Variants in CAST observed in about 807,000 individuals in gnomAD.
CAST encodes MIR583 host.
In CAST, 76 loss-of-function variants were observed where a neutral mutation model predicts 119.6. The observed-to-expected ratio is 0.64, with a 90% confidence interval of 0.53 to 0.77. The LOEUF (loss-of-function observed/expected upper bound fraction) is 0.77. Among genes scored for constraint, CAST ranks in the 30% least tolerant of loss-of-function variants. The pLI is 0.00. For missense variants in CAST, 953 were observed against 946.5 expected (o/e 1.01, Z -0.09); for synonymous variants, 319 against 331.6 (o/e 0.96, Z 0.41).
At chr5:96,703,591 TACAC>T (rs1354208128) in intron 3 of CAST, among the ~76,000 whole-genome samples, 1 of 152,228 alleles carries the variant, frequency 6.6e-6, no homozygotes, top group Non-Finnish European at 1.5e-5. Flanking sequence ...ATTCTCCACT[TACAC>T]ACAGGCAGGG....
chr5:96,728,057 C>G (rs952596837), intron 6 of CAST, among the ~76,000 whole-genome samples: 4 of 152,162 alleles, frequency 2.6e-5, no homozygotes, highest in Non-Finnish European at 5.9e-5. Flanking sequence ...CCATGACTGT[C>G]CAGAATGAAT....
rs1392254752 is a variant in CAST at position 96,706,446 on chromosome 5, G to A, written c.210+10539G>A. Among the ~76,000 whole-genome samples the A allele has an allele frequency of 3.9e-5, 6 of 152,276 alleles. No homozygotes were observed. The East Asian group carries it at 5.8e-4, about 15-fold the overall frequency. On this transcript the variant is annotated intron_variant, in intron 3 of 31. Transcript: ENST00000675179. ...AGTGCTGTCACGATACTGTAAAAGCGGAGTGAAAGGTTAAAGGAAGAGGGT... is the reference window on the plus strand; with the variant it reads ...AGTGCTGTCACGATACTGTAAAAGCAGAGTGAAAGGTTAAAGGAAGAGGGT...
At chr5:96,264,108 G>T in the CAST span, among the ~76,000 whole-genome samples, 15 of 152,156 alleles carry the variant, frequency 9.9e-5, no homozygotes, top group African/African-American at 3.6e-4. Flanking sequence ...CTAAATACGT[G>T]TCAGATTATC....
chr5:96,027,868 G>T, the CAST span, among the ~76,000 whole-genome samples: 1 of 152,032 alleles, frequency 6.6e-6, no homozygotes, highest in South Asian at 2.1e-4. Context: ...GACAACAAAA[G>T]CAACTGCGAC....
intron 1 of CAST, among the ~76,000 whole-genome samples, chr5:96,591,626 A>C (rs1327579976): frequency 6.6e-6 from 1 of 152,168 alleles, no homozygotes; most frequent in Non-Finnish European, 1.5e-5. Flanking sequence ...GAAGAGAGCT[A>C]ATTTATAATC....
the CAST span, among the ~76,000 whole-genome samples, chr5:96,290,518 A>T: frequency 1.3e-5 from 2 of 152,202 alleles, no homozygotes; most frequent in Admixed American, 6.5e-5. Flanking sequence ...ATTGCTGATG[A>T]GGTGTCATAT....
the CAST span, among the ~76,000 whole-genome samples, chr5:96,360,725 C>G: frequency 3.9e-5 from 6 of 151,952 alleles, no homozygotes; most frequent in African/African-American, 1.5e-4. Context: ...GAGGGGCAAC[C>G]GCAAGATGCC....
At chr5:96,341,741 T>C in the CAST span, among the ~76,000 whole-genome samples, 1 of 152,148 alleles carries the variant, frequency 6.6e-6, no homozygotes, top group Non-Finnish European at 1.5e-5. Flanking sequence ...AACAATAAAA[T>C]ATTATTGAAT....
chr5:96,639,902 T>C (rs1330545790), intron 1 of CAST, among the ~76,000 whole-genome samples: 1 of 152,162 alleles, frequency 6.6e-6, no homozygotes, highest in Non-Finnish European at 1.5e-5. Flanking sequence ...AGCCTGGACC[T>C]TCTAATTGAC....
chr5:96,623,532 A>T (rs1047618978), intron 1 of CAST, among the ~76,000 whole-genome samples: 2 of 152,164 alleles, frequency 1.3e-5, no homozygotes, highest in African/African-American at 4.8e-5. Context: ...TCTTACAAAT[A>T]TTAAGTGCCA....
At chr5:96,431,015 G>T in the CAST span, among the ~76,000 whole-genome samples, 6 of 152,272 alleles carry the variant, frequency 3.9e-5, no homozygotes, top group East Asian at 9.6e-4. Context: ...TTTAGTTTTT[G>T]CTGTCTTCCC....
At chr5:96,648,238 T>G (rs914287170) in intron 1 of CAST, among the ~76,000 whole-genome samples, 1 of 152,342 alleles carries the variant, frequency 6.6e-6, no homozygotes, top group African/African-American at 2.4e-5. Flanking sequence ...TTCCCCTCTT[T>G]CAAAACCCAC....
chr5:96,243,066 T>C, the CAST span, among the ~76,000 whole-genome samples: 1 of 152,196 alleles, frequency 6.6e-6, no homozygotes, highest in Non-Finnish European at 1.5e-5. Context: ...TTGGCTGCAT[T>C]CCTTATATTT....
the CAST span, among the ~76,000 whole-genome samples, chr5:96,150,865 C>T: frequency 6.6e-6 from 1 of 152,168 alleles, no homozygotes; most frequent in Non-Finnish European, 1.5e-5. Flanking sequence ...GGTTATCTGC[C>T]AGATGCAGAG....
At chr5:96,255,068 A>C in the CAST span, among the ~76,000 whole-genome samples, 1 of 151,996 alleles carries the variant, frequency 6.6e-6, no homozygotes, top group Non-Finnish European at 1.5e-5. Flanking sequence ...AAGATAATTT[A>C]TTTTCCTACC....
chr5:96,490,381 T>TGTGC, the CAST span, among the ~76,000 whole-genome samples: 1 of 151,548 alleles, frequency 6.6e-6, no homozygotes, highest in Non-Finnish European at 1.5e-5. Flanking sequence ...TGTGTGTGTG[T>TGTGC]ATGTAAACAG....
chr5:96,434,480 G>T, the CAST span, among the ~76,000 whole-genome samples: 3 of 152,198 alleles, frequency 2.0e-5, no homozygotes, highest in East Asian at 5.8e-4. Context: ...TTGGCCGCAG[G>T]GGGGAGTGTG....
chr5:96,709,694 A>T lies in CAST; in HGVS notation c.211-12945A>T, dbSNP rs569173753. 2.0e-5 allele frequency among the ~76,000 whole-genome samples: 3 copies of T among 152,298 alleles called. No homozygotes were observed. In the East Asian group the frequency reaches 5.8e-4, roughly 29 times the overall value. ...TCATACTGGCCTGATCTTCGTAATG[A>T]TCTGATGATATTCATATCACTCTAC... is the stretch of plus-strand genomic sequence containing the variant. On this transcript the variant is annotated intron_variant, in intron 3 of 31. Transcript: ENST00000675179.
chr5:96,432,208 G>A, the CAST span: 3 of 1,275,192 alleles, frequency 2.4e-6, no homozygotes, highest in Non-Finnish European at 2.2e-6. Flanking sequence ...TGAAAAGCCG[G>A]AGCTCCCTAG....
Sources: allele counts gnomAD v4.1 joint callset (sites outside exome capture counted in the v4.1 genomes callset), GRCh38; gene constraint gnomAD v4.1.1; transcripts MANE v1.5; gene names NCBI Gene and HGNC (gene_info 2026-07-23, HGNC 2026-07-21).